PIWIL3: variants seen among roughly 807,000 people sequenced by gnomAD.
PIWIL3 encodes piwi-like protein 3.
In PIWIL3, 101 loss-of-function variants were observed where a neutral mutation model predicts 109.7. The ratio of observed to expected loss-of-function variants is 0.92; its 90% CI spans 0.78 to 1.09. PIWIL3 has a LOEUF of 1.09. PIWIL3 is among the 50% of genes least tolerant of loss of function. The pLI, the probability that PIWIL3 is intolerant of heterozygous loss-of-function variation, is 0.00. For synonymous variants in PIWIL3, 373 were observed against 376.4 expected (o/e 0.99, Z 0.10); for missense variants, 1,031 against 1,072.6 (o/e 0.96, Z 0.54).
At chr22:24,755,047 T>G (rs1924942555) in intron 6 of PIWIL3, among the ~76,000 whole-genome samples, 183 bp from the exon 7 acceptor site, 1 of 152,224 alleles carries the variant, frequency 6.6e-6, no homozygotes, top group African/African-American at 2.4e-5. Flanking sequence ...ATTTGTTCCA[T>G]CTCCTTATAA....
At chr22:24,725,275 C>T (rs978041556) in intron 17 of PIWIL3, among the ~76,000 whole-genome samples, 170 bp downstream of exon 17, 15 of 152,208 alleles carry the variant, frequency 9.9e-5, no homozygotes, top group African/African-American at 3.1e-4. Context: ...TGTTTAGCAG[C>T]ATCTTTGTCC....
chr22:24,721,349 A>G (rs925893054), intron 19 of PIWIL3, among the ~76,000 whole-genome samples: 1 of 152,180 alleles, frequency 6.6e-6, no homozygotes, highest in African/African-American at 2.4e-5. Flanking sequence ...AAGTTTCACT[A>G]TAACATTTCT....
At chr22:24,767,764 A>G (rs1372965288) in intron 1 of PIWIL3, among the ~76,000 whole-genome samples, 1 of 152,240 alleles carries the variant, frequency 6.6e-6, no homozygotes, top group African/African-American at 2.4e-5. Flanking sequence ...GGAAGTTCAT[A>G]GAACACTAAG....
intron 12 of PIWIL3, among the ~76,000 whole-genome samples, chr22:24,747,153 T>C (rs1234492480): frequency 6.6e-6 from 1 of 151,804 alleles, no homozygotes; most frequent in African/African-American, 2.4e-5. Flanking sequence ...GGATCAGAAA[T>C]AGAGAACCCA....
chr22:24,748,872 C>A, intron 12 of PIWIL3, 35 bp downstream of exon 12: 2 of 1,521,248 alleles, frequency 1.3e-6, no homozygotes, highest in East Asian at 2.3e-5. Context: ...TTCATTTGAC[C>A]CCACCATGAC....
intron 12 of PIWIL3, among the ~76,000 whole-genome samples, chr22:24,740,051 C>CA (rs1198660648): frequency 0.065 from 4,372 of 67,594 alleles, 230 homozygotes; most frequent in Middle Eastern, 0.14. Context: ...GACTCGGTCT[C>CA]AAAAAAAAAA....
chr22:24,736,715 G>A (rs577883654), intron 12 of PIWIL3, among the ~76,000 whole-genome samples: 4 of 152,294 alleles, frequency 2.6e-5, no homozygotes, highest in Admixed American at 6.5e-5. Flanking sequence ...AATTGCTGAC[G>A]TCACCCTTCT....
chr22:24,719,868 A>G lies in PIWIL3; in HGVS notation c.2385T>C (p.Ser795=), dbSNP rs1379615620. 6.2e-7 allele frequency: 1 copy of G among 1,610,204 alleles called. No homozygotes were observed. Among genetic ancestry groups the G allele is most frequent in the Non-Finnish European group, 8.5e-7 (1 of 1,178,046 alleles). Residue 795 remains serine (S), a synonymous_variant, in exon 20 of 21, where the codon TCT becomes TCC. Transcript: ENST00000616349. ...EWYDFFIVSQ[S]VQDGTVTPTH... is the part of the protein sequence containing the mutation. ...TGGGGGTAACAGTCCCATCTTGCAC[A>G]GACTGACTCACAATAAAAAAGTCAT...
intron 7 of PIWIL3, among the ~76,000 whole-genome samples, chr22:24,754,472 C>T (rs1028648999): frequency 1.3e-5 from 2 of 151,198 alleles, no homozygotes; most frequent in African/African-American, 4.8e-5. Flanking sequence ...TACACATATA[C>T]CAGTGAGTAA....
rs1409840789 is a variant in PIWIL3, at chr22:24,722,864, G to A, written c.2357+266C>T. 3.3e-5 allele frequency among the ~76,000 whole-genome samples: 5 copies of A among 152,040 alleles called. No individual in the cohort carries two copies. The East Asian group carries it at 7.7e-4, about 23-fold the overall frequency. ...TATCTTTTGTATTCGTAATTAGAAG[G>A]GTTTTAGGGCCACACTGAAGTTAAA... On this transcript the variant is annotated intron_variant, in intron 19 of 20. Transcript: ENST00000616349.
At chr22:24,741,552 A>G (rs1034334151) in intron 12 of PIWIL3, among the ~76,000 whole-genome samples, 6 of 152,204 alleles carry the variant, frequency 3.9e-5, no homozygotes, top group African/African-American at 1.4e-4. Context: ...CACAAAAAAC[A>G]AACCACCTCA....
At chr22:24,725,552 T>C (rs1171739959) in intron 16 of PIWIL3, 37 bp from the exon 17 acceptor site, 2 of 1,606,190 alleles carry the variant, frequency 1.2e-6, no homozygotes, top group East Asian at 4.5e-5. Context: ...GAAAACAAGA[T>C]TCTTAAAATC....
At position 24,745,776 on chromosome 22, in the gene PIWIL3, G is replaced by A. The variant is rs568623018; in HGVS notation, c.1449+3131C>T. Among the ~76,000 whole-genome samples, 18 of 143,920 alleles carry A rather than the reference G, an allele frequency of 1.3e-4. No homozygotes were observed. In the South Asian group the frequency reaches 3.9e-3, roughly 31 times the overall value. The allele number at this position is 143,920 out of a possible 152,430, so 94.4% of individuals were successfully genotyped here. The stretch of plus-strand genomic sequence containing the variant: ...AAGTAAAACCAGAGATGAAAATGGA[G>A]AGGACAACCAATATTGCAGAAATGT... On this transcript the variant is annotated intron_variant, in intron 12 of 20. Coordinates refer to ENST00000616349, the MANE Select transcript of PIWIL3 (RefSeq NM_001255975.1).
chr22:24,757,098 A>AAAAAAAAAAAAAAAG (rs1555912998), intron 4 of PIWIL3, among the ~76,000 whole-genome samples: 6 of 146,450 alleles, frequency 4.1e-5, no homozygotes, highest in African/African-American at 1.6e-4. Context: ...AAAAAAAAAA[A>AAAAAAAAAAAAAAAG]AAAAGAAAAG....
intron 12 of PIWIL3, among the ~76,000 whole-genome samples, chr22:24,740,045 C>T (rs1165043286): frequency 1.5e-5 from 2 of 135,134 alleles, no homozygotes; most frequent in African/African-American, 5.6e-5. Context: ...AAGTGAGACT[C>T]GGTCTCAAAA....
rs143087328 is a variant in PIWIL3 at position 24,747,866 on chromosome 22, A to G, written c.1449+1041T>C. ...AATTACTATAACCACTATGGAGAAC[A>G]GTTTGGAGGTTCCTCAAAACACTAA... On this transcript the variant is annotated intron_variant, in intron 12 of 20. Transcript: ENST00000616349. Among the ~76,000 whole-genome samples the G allele has an allele frequency of 5.9e-3, 900 of 152,294 alleles. 7 individuals are homozygous for G. Among genetic ancestry groups the G allele is most frequent in the African/African-American group, 0.02 (851 of 41,556 alleles).
chr22:24,764,918 A>G (rs1925700069), intron 1 of PIWIL3, among the ~76,000 whole-genome samples: 1 of 152,198 alleles, frequency 6.6e-6, no homozygotes, highest in Admixed American at 6.5e-5. Context: ...AGAAATGGAT[A>G]AACTGAGCCT....
chr22:24,741,447 T>G (rs1354326744), intron 12 of PIWIL3, among the ~76,000 whole-genome samples: 49 of 152,124 alleles, frequency 3.2e-4, no homozygotes, highest in Admixed American at 3.1e-3. Context: ...GAGGTTGTAG[T>G]GAACCAAGGT....
In PIWIL3 at chr22:24,749,406, T is replaced by C. The variant is rs745729809; in HGVS notation, c.1332A>G (p.Gln444=). The C allele has an allele frequency of 6.2e-7, 1 of 1,613,810 alleles. No homozygotes were observed. The highest frequency in any genetic ancestry group is 1.7e-5 in the Admixed American group (1 of 60,002). The change falls in exon 11 of 21, where the codon CAA becomes CAG. Residue 444 remains glutamine, a splice_region_variant and synonymous_variant. Transcript: ENST00000616349. ...TCAGCCAGAAAAGCAGCACTTACTCTTGTAGAGTATTGATGAATTCTTTTA... is the reference window on the plus strand; with the variant it reads ...TCAGCCAGAAAAGCAGCACTTACTCCTGTAGAGTATTGATGAATTCTTTTA... ...HTLKEFINTL[Q]DNKKVRELLQ...
Sources: gnomAD v4.1 joint callset for allele counts (sites outside exome capture counted in the v4.1 genomes callset) on GRCh38, gnomAD v4.1.1 for gene constraint, MANE v1.5 for transcripts, NCBI Gene and HGNC (gene_info 2026-07-23, HGNC 2026-07-21) for gene names.